PCNP: variants seen among roughly 807,000 people sequenced by gnomAD.
PCNP encodes the protein PEST proteolytic signal-containing nuclear protein.
Under a neutral mutation model 21.8 loss-of-function variants are expected in PCNP, and 6 were observed. The ratio of observed to expected loss-of-function variants is 0.28; its 90% CI spans 0.15 to 0.54. The LOEUF is 0.54. Ranked by LOEUF, PCNP falls within the 20% of genes least tolerant of loss-of-function variation. PCNP has a pLI of 0.95. For missense variants in PCNP, 161 were observed against 215.5 expected, an observed-to-expected ratio of 0.75 and a Z score of 1.58; for synonymous variants, 67 against 73.2, an observed-to-expected ratio of 0.92 and a Z score of 0.43.
intron 2 of PCNP, among the ~76,000 whole-genome samples, chr3:101,583,482 A>T (rs1056776768): frequency 1.2e-4 from 18 of 152,054 alleles, no homozygotes; most frequent in African/African-American, 4.1e-4. Flanking sequence ...CGGGCATGGC[A>T]GGGTGTGCCT....
chr3:101,592,713 T>C lies in PCNP; in HGVS notation c.497T>C (p.Ile166Thr). The C allele has an allele frequency of 1.2e-6, 2 of 1,613,436 alleles. No individual in the cohort carries two copies. The highest frequency in any genetic ancestry group is 2.2e-5 in the East Asian group (1 of 44,838). Residue 166 changes from isoleucine (I) to threonine (T), a missense_variant, in exon 5 of 5, where the codon ATA becomes ACA. Around this residue, in one of 4 missense-constraint regions of PCNP, gnomAD observed 66 missense variants for 127.8 expected, o/e 0.52. Coordinates refer to ENST00000265260, the MANE Select transcript of PCNP (RefSeq NM_020357.3). ...SDNQKLWERN[I>T]KSHLGNVHDQ... ...AACCAGAAGCTGTGGGAGCGAAATA[T>C]AAAATCTCATCTTGGAAATGTCCAT...
rs971457315 is a variant in PCNP at position 101,594,064 on chromosome 3, G to A, written c.*1311G>A. ...AATATTATATTTGGAGGCAGCTTCA[G>A]ACTGTTTTATTGGTGGTAGCTGCTT... is the stretch of plus-strand genomic sequence containing the variant. On this transcript the variant is annotated 3_prime_UTR_variant, in exon 5 of 5. Transcript: ENST00000265260. 1.3e-5 allele frequency: 2 copies of A among 152,460 alleles called. No individual in the cohort carries two copies. The highest frequency in any genetic ancestry group is 1.3e-4 in the Admixed American group (2 of 15,266). 9.4% of individuals were successfully genotyped at this position (152,460 alleles called of 1,614,324 possible).
At chr3:101,592,106 G>A (rs1377163890) in intron 4 of PCNP, among the ~76,000 whole-genome samples, 1 of 152,048 alleles carries the variant, frequency 6.6e-6, no homozygotes, top group African/African-American at 2.4e-5. Flanking sequence ...TGCTGGATCT[G>A]AAATTCTAGA....
intron 3 of PCNP, among the ~76,000 whole-genome samples, chr3:101,586,431 T>G (rs146763213): frequency 1.3e-5 from 2 of 152,210 alleles, no homozygotes; most frequent in African/African-American, 4.8e-5. Flanking sequence ...GTTTTTGTAC[T>G]AGACTCTGAC....
intron 1 of PCNP, among the ~76,000 whole-genome samples, chr3:101,577,373 C>T (rs753704661): frequency 6.6e-6 from 1 of 152,140 alleles, no homozygotes; most frequent in African/African-American, 2.4e-5. Flanking sequence ...TTATGTCAGA[C>T]ACTAGTAGGG....
Position 101,592,830 on chromosome 3 carries a change from G to A in PCNP, c.*77G>A, listed in dbSNP as rs1935884075. 1.5e-6 allele frequency: 2 copies of A among 1,302,410 alleles called. No individual in the cohort carries two copies. The highest frequency in any genetic ancestry group is 1.0e-6 in the Non-Finnish European group (1 of 970,584). 80.7% of individuals were successfully genotyped at this position (1,302,410 alleles called of 1,614,324 possible). On this transcript the variant is annotated 3_prime_UTR_variant, in exon 5 of 5. Transcript: ENST00000265260. Reference sequence around the variant, plus strand: ...TTTCCTTTTTTAAAGAATGGTATAAGACTATCTTTGGAGCCGCTTTTTTTT... The same window carrying A: ...TTTCCTTTTTTAAAGAATGGTATAAAACTATCTTTGGAGCCGCTTTTTTTT...
intron 4 of PCNP, among the ~76,000 whole-genome samples, chr3:101,590,630 G>A (rs754196491): frequency 3.3e-5 from 5 of 151,720 alleles, no homozygotes; most frequent in Non-Finnish European, 5.9e-5. Flanking sequence ...CTGCAGCCTC[G>A]ATCTCCCACA....
chr3:101,575,281 C>T (rs1370802015), intron 1 of PCNP, among the ~76,000 whole-genome samples: 2 of 151,996 alleles, frequency 1.3e-5, no homozygotes, highest in South Asian at 2.1e-4. Flanking sequence ...AAAATAGAAA[C>T]GATTAATAGC....
In PCNP at chr3:101,592,757, A is replaced by G. The variant is rs1406915276; in HGVS notation, c.*4A>G. ...TGTCCATGACCAAGACAATTAAATG[A>G]TGTTTTGAAATTGGGGTGTGGGGTG... On this transcript the variant is annotated 3_prime_UTR_variant, in exon 5 of 5. Coordinates refer to ENST00000265260, the MANE Select transcript of PCNP (RefSeq NM_020357.3). 6.2e-7 allele frequency: 1 copy of G among 1,611,196 alleles called. No individual in the cohort carries two copies. The highest frequency in any genetic ancestry group is 8.5e-7 in the Non-Finnish European group (1 of 1,178,724).
chr3:101,576,364 A>G, intron 1 of PCNP: 1 of 676,458 alleles, frequency 1.5e-6, no homozygotes, highest in Non-Finnish European at 2.3e-6. Context: ...CCTCCCAAGT[A>G]GCTGGGACTA....
At chr3:101,576,577 C>T (rs568231273) in intron 1 of PCNP, 3 of 1,610,906 alleles carry the variant, frequency 1.9e-6, no homozygotes, top group Admixed American at 1.7e-5. Flanking sequence ...CCAGAAGTGA[C>T]GCAGCCCTCT....
chr3:101,574,604 A>G (rs1209966834), intron 1 of PCNP, among the ~76,000 whole-genome samples: 1 of 152,042 alleles, frequency 6.6e-6, no homozygotes, highest in African/African-American at 2.4e-5. Context: ...AGGAGCCGCT[A>G]CCGCCACACC....
chr3:101,587,198 C>T (rs913252765), intron 3 of PCNP, among the ~76,000 whole-genome samples: 3 of 150,032 alleles, frequency 2.0e-5, no homozygotes, highest in Admixed American at 6.7e-5. Context: ...TACAGTGAGC[C>T]AAGATCGTGC....
At chr3:101,586,061 C>T (rs145662843) in intron 3 of PCNP, among the ~76,000 whole-genome samples, 6,620 of 150,358 alleles carry the variant, frequency 0.044, 236 homozygotes, top group Non-Finnish European at 0.07. Flanking sequence ...ATCCCAGCTA[C>T]TTGGGAGGGT....
intron 3 of PCNP, among the ~76,000 whole-genome samples, chr3:101,588,350 G>C (rs1476732177): frequency 1.3e-5 from 2 of 152,118 alleles, no homozygotes; most frequent in Admixed American, 6.5e-5. Context: ...AGGTCTTCCT[G>C]TTTCTTGTTC....
intron 1 of PCNP, among the ~76,000 whole-genome samples, chr3:101,577,613 G>A (rs187891988): frequency 1.2e-3 from 187 of 152,202 alleles, no homozygotes; most frequent in African/African-American, 4.2e-3. Context: ...CAACCTCTGC[G>A]TCCTGGGTTC....
chr3:101,585,166 C>A (rs1479021422), intron 2 of PCNP, among the ~76,000 whole-genome samples: 1 of 152,062 alleles, frequency 6.6e-6, no homozygotes, highest in Admixed American at 6.5e-5. Context: ...ACCAAGTACC[C>A]CTTAGGTAAG....
At chr3:101,575,638 C>CAA (rs1224342735) in intron 1 of PCNP, among the ~76,000 whole-genome samples, 1 of 151,918 alleles carries the variant, frequency 6.6e-6, no homozygotes, top group East Asian at 1.9e-4. Context: ...TGAGGAAAAG[C>CAA]AAAAAATTTT....
intron 1 of PCNP, chr3:101,575,063 A>AG (rs2074858032): frequency 6.6e-6 from 1 of 152,234 alleles, no homozygotes; most frequent in Admixed American, 6.5e-5. Context: ...CTCAGGTTAC[A>AG]GCTATCCTTA....
Sources: gnomAD v4.1 joint callset for allele counts (sites outside exome capture counted in the v4.1 genomes callset) on GRCh38, gnomAD v4.1.1 for gene constraint, gnomAD v4.1.1 regional missense constraint, MANE v1.5 for transcripts, NCBI Gene and HGNC (gene_info 2026-07-23, HGNC 2026-07-21) for gene names.